Variants in SYNE2 observed in about 807,000 individuals in gnomAD.
The protein encoded by SYNE2 is spectrin repeat containing nuclear envelope protein 2.
SYNE2 carries 431 observed loss-of-function variants against 856.3 expected under a neutral mutation model. The observed-to-expected ratio is 0.50, with a 90% CI of 0.47 to 0.55. The LOEUF is 0.55. Among genes scored for constraint, SYNE2 ranks in the 20% least tolerant of loss-of-function variants. The pLI, the probability that SYNE2 is intolerant of heterozygous loss-of-function variation, is 0.00. For missense variants in SYNE2, 8,129 were observed against 8,023.2 expected (o/e 1.01, Z -0.50); for synonymous variants, 2,923 against 2,872.3 (o/e 1.02, Z -0.56).
intron 1 of SYNE2, among the ~76,000 whole-genome samples, chr14:63,908,521 T>C (rs2095435544): frequency 6.6e-6 from 1 of 152,132 alleles, no homozygotes; most frequent in African/African-American, 2.4e-5. Flanking sequence ...GGGGAAGAAA[T>C]GTGTAGGTGA....
At chr14:63,767,304 T>C (rs1419793555) in intron 1 of SYNE2, among the ~76,000 whole-genome samples, 1 of 151,908 alleles carries the variant, frequency 6.6e-6, no homozygotes, top group Non-Finnish European at 1.5e-5. Context: ...GGGATGGGGT[T>C]TCACCATGTT....
At chr14:64,175,683 T>G (rs900132609) in intron 95 of SYNE2, among the ~76,000 whole-genome samples, 2 of 152,222 alleles carry the variant, frequency 1.3e-5, no homozygotes, top group African/African-American at 4.8e-5. Flanking sequence ...TTATCATTTT[T>G]CTTTCTCTCC....
intron 71 of SYNE2, among the ~76,000 whole-genome samples, chr14:64,125,760 A>G (rs1188081881): frequency 2.0e-5 from 3 of 152,162 alleles, no homozygotes; most frequent in East Asian, 3.9e-4. Context: ...CACCAGGCGC[A>G]ATGCATGACA....
chr14:63,901,395 T>C (rs571619876), intron 1 of SYNE2, among the ~76,000 whole-genome samples: 150 of 152,354 alleles, frequency 9.8e-4, no homozygotes, highest in African/African-American at 3.5e-3. Flanking sequence ...AGCCAAATTG[T>C]TATTTCAGTA....
At chr14:63,852,410 G>A (rs376795691), upstream of SYNE2, among the ~76,000 whole-genome samples, 5 of 152,214 alleles carry the variant, frequency 3.3e-5, no homozygotes, top group Admixed American at 6.5e-5. Flanking sequence ...ATGTCAGGTC[G>A]GACGACTGAG....
chr14:63,914,615 A>G (rs1221420308), intron 2 of SYNE2, among the ~76,000 whole-genome samples: 2 of 152,208 alleles, frequency 1.3e-5, no homozygotes, highest in African/African-American at 4.8e-5. Context: ...AGTGAGTGTG[A>G]AAGTATGGAC....
At chr14:64,115,907 A>G (rs990277984) in intron 66 of SYNE2, among the ~76,000 whole-genome samples, 20 of 152,196 alleles carry the variant, frequency 1.3e-4, no homozygotes, top group African/African-American at 4.6e-4. Context: ...TAATCCCAGC[A>G]CTTTGGGAGG....
chr14:64,191,415 G>T (rs910841314), intron 99 of SYNE2, among the ~76,000 whole-genome samples: 1 of 152,158 alleles, frequency 6.6e-6, no homozygotes, highest in East Asian at 1.9e-4. Context: ...ATTAGGAAGA[G>T]CCTTACAGAG....
At chr14:64,049,019 A>G (rs1286681031) in intron 46 of SYNE2, 2 of 152,208 alleles carry the variant, frequency 1.3e-5, no homozygotes, top group East Asian at 3.8e-4. Flanking sequence ...TATGTAAATA[A>G]TAAAATTAAG....
At chr14:64,191,609 C>G (rs1305293156) in intron 99 of SYNE2, among the ~76,000 whole-genome samples, 1 of 152,184 alleles carries the variant, frequency 6.6e-6, no homozygotes, top group Non-Finnish European at 1.5e-5. Context: ...GGGGCTAAAT[C>G]TTAGAAGACT....
chr14:64,152,125 C>G (rs1309011285), intron 84 of SYNE2, among the ~76,000 whole-genome samples: 1 of 152,220 alleles, frequency 6.6e-6, no homozygotes, highest in Admixed American at 6.5e-5. Context: ...GTTATATCGT[C>G]TGTCATTTAT....
At chr14:64,152,431 C>A (rs1010617512) in intron 84 of SYNE2, 133 bp from the exon 85 acceptor site, 60 of 849,964 alleles carry the variant, frequency 7.1e-5, no homozygotes, top group Non-Finnish European at 1.0e-4. Context: ...ATTTAAATTT[C>A]TTTGATGTAA....
rs781153107 is a variant in SYNE2 at position 64,052,880 on chromosome 14, C to T, written c.8967C>T (p.Thr2989=). Reference sequence around the variant, plus strand: ...TCTATAATCTTAAAGACAGACTCACCGCTATTAAGTGTTGCATCTTACAGG... The same window carrying T: ...TCTATAATCTTAAAGACAGACTCACTGCTATTAAGTGTTGCATCTTACAGG... The part of the protein sequence containing the change: ...EEIYNLKDRL[T]AIKCCILQVL... Residue 2989 remains threonine (T), a synonymous_variant, in exon 48 of 116, where the codon ACC becomes ACT. Transcript: ENST00000555002. 71 of 1,613,552 alleles carry T rather than the reference C, an allele frequency of 4.4e-5. 2 individuals carry two copies. Among genetic ancestry groups the T allele is most frequent in the South Asian group, 2.2e-5 (2 of 90,854 alleles).
At chr14:63,809,189 A>G (rs552680785) in intron 1 of SYNE2, among the ~76,000 whole-genome samples, 1 of 152,020 alleles carries the variant, frequency 6.6e-6, no homozygotes, top group Non-Finnish European at 1.5e-5. Flanking sequence ...AGGAATTAAG[A>G]TGCACCTTTA....
In SYNE2 at chr14:63,946,377, G is replaced by A. The variant is rs573036144; in HGVS notation, c.409-3448G>A. Among the ~76,000 whole-genome samples, 13 of 151,816 alleles carry A rather than the reference G, an allele frequency of 8.6e-5. No individual in the cohort carries two copies. In the East Asian group the frequency reaches 9.7e-4, roughly 11 times the overall value. ...TGGGAGGTTGAGACTGCAGTGAGCC[G>A]TGACTGGGCTACTGCACTCTAGCCT... On this transcript the variant is annotated intron_variant, in intron 6 of 115. Coordinates refer to ENST00000555002, the MANE Select transcript of SYNE2 (RefSeq NM_182914.3).
rs374078365 is a variant in SYNE2 at position 63,906,213 on chromosome 14, T to C, written c.-51-2885T>C. On this transcript the variant is annotated intron_variant, in intron 1 of 115. Coordinates refer to ENST00000555002, the MANE Select transcript of SYNE2 (RefSeq NM_182914.3). ...CTGCTGGATTCAGTTTGCTAGTATT[T>C]TGTTGAGAATTTTTGCATCTATGTT... 9.2e-5 allele frequency among the ~76,000 whole-genome samples: 14 copies of C among 152,308 alleles called. No homozygotes were observed. In the East Asian group the frequency reaches 1.7e-3, roughly 19 times the overall value.
chr14:64,058,714 C>T (rs942885736), intron 49 of SYNE2, among the ~76,000 whole-genome samples: 4 of 152,190 alleles, frequency 2.6e-5, no homozygotes, highest in African/African-American at 9.7e-5. Context: ...TTCCTGACCT[C>T]AAGTAATCCG....
At chr14:63,986,928 C>T (rs1044841622) in intron 19 of SYNE2, among the ~76,000 whole-genome samples, 6 of 152,126 alleles carry the variant, frequency 3.9e-5, no homozygotes, top group Admixed American at 1.3e-4. Flanking sequence ...AGTTCAGTCT[C>T]ATTATAGCTC....
At chr14:63,958,087 A>T (rs946640757) in intron 8 of SYNE2, among the ~76,000 whole-genome samples, 29 of 152,270 alleles carry the variant, frequency 1.9e-4, no homozygotes, top group African/African-American at 6.7e-4. Flanking sequence ...ACAATTTTAG[A>T]TTTATGGAAA....
Sources: allele counts gnomAD v4.1 joint callset (sites outside exome capture counted in the v4.1 genomes callset), GRCh38; gene constraint gnomAD v4.1.1; transcripts MANE v1.5; gene names NCBI Gene and HGNC (gene_info 2026-07-23, HGNC 2026-07-21).